The following PHYKPL variants were observed in gnomAD, a reference collection of about 807,000 sequenced individuals.
PHYKPL encodes the protein 5-phosphohydroxy-L-lysine phospho-lyase.
Under a neutral mutation model 51.3 loss-of-function variants are expected in PHYKPL, and 42 were observed. That is an observed-to-expected ratio of 0.82 (90% confidence interval 0.64 to 1.06). The LOEUF is 1.06. PHYKPL is among the 50% of genes least tolerant of loss of function. The pLI, the probability that PHYKPL is intolerant of heterozygous loss-of-function variation, is 0.00. For missense variants in PHYKPL, 655 were observed against 586.6 expected (o/e 1.12, Z -1.20); for synonymous variants, 264 against 236.0 (o/e 1.12, Z -1.09).
chr5:178,208,597 A>C lies in PHYKPL; in HGVS notation c.*350T>G, dbSNP rs956727624. Reference sequence around the variant, plus strand: ...GTATGACTGGGACACTGTAAAATGTACTATTTTTAATGGGTGTGCATGTCA... The same window carrying C: ...GTATGACTGGGACACTGTAAAATGTCCTATTTTTAATGGGTGTGCATGTCA... On this transcript the variant is annotated 3_prime_UTR_variant, in exon 13 of 13. Coordinates refer to ENST00000308158, the MANE Select transcript of PHYKPL (RefSeq NM_153373.4). 3.9e-5 allele frequency: 6 copies of C among 152,254 alleles called. No homozygotes were observed. The highest frequency in any genetic ancestry group is 2.9e-5 in the Non-Finnish European group (2 of 68,052). 9.4% of individuals were successfully genotyped at this position (152,254 alleles called of 1,614,324 possible). A position where few individuals can be genotyped will look rare whatever the true frequency, so the allele number is the denominator to read the frequency against.
intron 3 of PHYKPL, chr5:178,228,509 C>A: frequency 1.4e-6 from 1 of 702,356 alleles, no homozygotes; most frequent in South Asian, 1.5e-5. Flanking sequence ...CACCAGCTCC[C>A]TTCTCTTTCC....
chr5:178,218,448 T>C (rs1192115891), intron 8 of PHYKPL, among the ~76,000 whole-genome samples: 1 of 152,146 alleles, frequency 6.6e-6, no homozygotes, highest in Non-Finnish European at 1.5e-5. Flanking sequence ...GTGGGGCCTT[T>C]AGGTTATTAG....
At chr5:178,214,245 G>A (rs1469492201) in intron 10 of PHYKPL, among the ~76,000 whole-genome samples, 1 of 152,066 alleles carries the variant, frequency 6.6e-6, no homozygotes, top group East Asian at 1.9e-4. Flanking sequence ...ACTAGAAGGA[G>A]AAGAAGTCCT....
At chr5:178,231,712 T>TG in intron 1 of PHYKPL, 189 bp from the exon 2 acceptor site, 1 of 1,546,192 alleles carries the variant, frequency 6.5e-7, no homozygotes, top group Non-Finnish European at 8.7e-7. Flanking sequence ...AGGAAGCAGA[T>TG]GGGGTAACAA....
In PHYKPL at chr5:178,208,581, G is replaced by A. The variant is rs945185423; in HGVS notation, c.*366C>T. 3 of 152,132 alleles carry A rather than the reference G, an allele frequency of 2.0e-5. No homozygotes were observed. The highest frequency in any genetic ancestry group is 7.2e-5 in the African/African-American group (3 of 41,422). The allele number at this position is 152,132 out of a possible 1,614,324, so 9.4% of individuals were successfully genotyped here. Reference sequence around the variant, plus strand: ...AATTTGCCAATTAAAAGTATGACTGGGACACTGTAAAATGTACTATTTTTA... The same window carrying A: ...AATTTGCCAATTAAAAGTATGACTGAGACACTGTAAAATGTACTATTTTTA... On this transcript the variant is annotated 3_prime_UTR_variant, in exon 13 of 13. Transcript: ENST00000308158.
intron 3 of PHYKPL, 192 bp from the exon 4 acceptor site, chr5:178,225,621 A>C: frequency 1.7e-6 from 1 of 602,800 alleles, no homozygotes; most frequent in East Asian, 2.8e-5. Context: ...AGAGTAGGTA[A>C]AACAGACATG....
intron 8 of PHYKPL, 170 bp from the exon 9 acceptor site, chr5:178,215,600 T>A: frequency 1.4e-6 from 1 of 722,946 alleles, no homozygotes; most frequent in Non-Finnish European, 2.2e-6. Context: ...GGGTTCAACA[T>A]GGGCTGTCCT....
chr5:178,231,075 C>A (rs1480981213), intron 2 of PHYKPL: 3 of 266,072 alleles, frequency 1.1e-5, no homozygotes, highest in Non-Finnish European at 2.2e-5. Context: ...GCCAATGGGG[C>A]TGAAGCACTG....
intron 10 of PHYKPL, 101 bp from the exon 11 acceptor site, chr5:178,213,204 C>T: frequency 6.7e-7 from 1 of 1,488,500 alleles, no homozygotes; most frequent in Non-Finnish European, 9.1e-7. Flanking sequence ...TCAGAGCCTT[C>T]CATGGGCCAG....
intron 8 of PHYKPL, chr5:178,216,401 G>A (rs956949712): frequency 1.3e-5 from 2 of 152,212 alleles, no homozygotes; most frequent in African/African-American, 4.8e-5. Context: ...TCTTGGCTGA[G>A]TGACTTACGG....
chr5:178,232,015 G>A (rs1019740110), intron 1 of PHYKPL: 38 of 1,202,302 alleles, frequency 3.2e-5, no homozygotes, highest in Non-Finnish European at 3.5e-5. Context: ...TCCCACCGAG[G>A]GCCCCCTCAC....
intron 7 of PHYKPL, 25 bp from the exon 8 acceptor site, chr5:178,222,605 C>G: frequency 6.2e-7 from 1 of 1,609,170 alleles, no homozygotes; most frequent in Non-Finnish European, 8.5e-7. Flanking sequence ...ATGACTGACA[C>G]GGGGGCTGTG....
At chr5:178,214,080 A>G (rs1030502969) in intron 10 of PHYKPL, among the ~76,000 whole-genome samples, 1 of 152,176 alleles carries the variant, frequency 6.6e-6, no homozygotes, top group Non-Finnish European at 1.5e-5. Flanking sequence ...GGACCAGGAA[A>G]GGCCAAGTTC....
intron 12 of PHYKPL, chr5:178,209,532 T>G (rs1757524547): frequency 8.5e-7 from 1 of 1,176,740 alleles, no homozygotes. Context: ...CCTCTGGTGC[T>G]GTGCAGCAGG....
At chr5:178,223,173 C>T in intron 6 of PHYKPL, 2 of 508,776 alleles carry the variant, frequency 3.9e-6, no homozygotes, top group Admixed American at 3.1e-5. Context: ...AAACTACATG[C>T]ACTGATTTTT....
At chr5:178,213,212 C>A in intron 10 of PHYKPL, 109 bp from the exon 11 acceptor site, 1 of 1,412,068 alleles carries the variant, frequency 7.1e-7, no homozygotes, top group Non-Finnish European at 9.6e-7. Context: ...TTCCATGGGC[C>A]AGTTCCTGCC....
chr5:178,223,530 G>A (rs1409005370), intron 6 of PHYKPL: 8 of 455,440 alleles, frequency 1.8e-5, no homozygotes, highest in African/African-American at 6.0e-5. Context: ...ACAGGTGGGA[G>A]GGCAGGGCCA....
intron 3 of PHYKPL, among the ~76,000 whole-genome samples, chr5:178,227,690 C>T (rs1762563041): frequency 6.6e-6 from 1 of 152,172 alleles, no homozygotes; most frequent in South Asian, 2.1e-4. Flanking sequence ...CATGTGAAGC[C>T]ACTGAAGAGT....
At chr5:178,226,172 C>T (rs1265062553) in intron 3 of PHYKPL, 1 of 151,288 alleles carries the variant, frequency 6.6e-6, no homozygotes, top group Non-Finnish European at 1.5e-5. Context: ...GCCTCTCAGG[C>T]TCAAGCAATT....
Sources: gnomAD v4.1 joint callset for allele counts (sites outside exome capture counted in the v4.1 genomes callset) on GRCh38, gnomAD v4.1.1 for gene constraint, MANE v1.5 for transcripts, NCBI Gene and HGNC (gene_info 2026-07-23, HGNC 2026-07-21) for gene names.